Variants in RIMS2 observed in about 807,000 individuals in gnomAD.
RIMS2 encodes the protein regulating synaptic membrane exocytosis protein 2.
RIMS2 carries 59 observed loss-of-function variants against 174.4 expected under a neutral mutation model. The ratio of observed to expected loss-of-function variants is 0.34; its 90% CI spans 0.27 to 0.42. RIMS2 has a LOEUF of 0.42. Ranked by LOEUF, RIMS2 falls within the 10% of genes least tolerant of loss-of-function variation. The pLI is 1.00. For missense variants in RIMS2, 1,620 were observed against 1,666.3 expected (o/e 0.97, Z 0.48); for synonymous variants, 606 against 572.5 (o/e 1.06, Z -0.84).
chr8:104,250,885 T>C, intron 22 of RIMS2, 139 bp from the exon 29 acceptor site: 1 of 707,590 alleles, frequency 1.4e-6, no homozygotes, highest in Admixed American at 2.5e-5. Context: ...CTAATGATTT[T>C]GACAGAATGC....
chr8:103,633,614 A>G (rs2096001426), intron 1 of RIMS2, among the ~76,000 whole-genome samples: 2 of 152,002 alleles, frequency 1.3e-5, no homozygotes, highest in Admixed American at 6.6e-5. Context: ...GAATGGTACT[A>G]TGTCTTTGGA....
At chr8:103,535,387 C>G (rs1839287649) in intron 1 of RIMS2, among the ~76,000 whole-genome samples, 1 of 152,240 alleles carries the variant, frequency 6.6e-6, no homozygotes, top group African/African-American at 2.4e-5. Flanking sequence ...ATATTAGAAA[C>G]TACCAGGAAC....
At chr8:103,926,300 C>T (rs1300614863) in intron 10 of RIMS2, among the ~76,000 whole-genome samples, 1 of 151,490 alleles carries the variant, frequency 6.6e-6, no homozygotes. Context: ...TCATATATCC[C>T]CTCTGTCATT....
intron 2 of RIMS2, among the ~76,000 whole-genome samples, chr8:103,744,633 C>CATAA (rs1475648039): frequency 1.3e-5 from 2 of 152,164 alleles, no homozygotes; most frequent in African/African-American, 4.8e-5. Flanking sequence ...GGTTCCTGAA[C>CATAA]ATAACAATTG....
intron 2 of RIMS2, among the ~76,000 whole-genome samples, chr8:103,756,611 A>G (rs2098014521): frequency 6.6e-6 from 1 of 151,282 alleles, no homozygotes; most frequent in African/African-American, 2.4e-5. Flanking sequence ...TTTTTTGTAG[A>G]GATGGGGTTT....
chr8:103,858,292 C>A (rs1037924632), intron 3 of RIMS2, among the ~76,000 whole-genome samples: 7 of 152,074 alleles, frequency 4.6e-5, no homozygotes, highest in Non-Finnish European at 1.0e-4. Context: ...TTTAAAATCC[C>A]AGTCATGTCT....
intron 19 of RIMS2, among the ~76,000 whole-genome samples, chr8:104,089,788 A>C (rs916064108): frequency 6.6e-6 from 1 of 151,714 alleles, no homozygotes; most frequent in Non-Finnish European, 1.5e-5. Context: ...TGCTTTAGGC[A>C]TTGGAAATAA....
rs534310937 is a variant in RIMS2, at chr8:103,600,590, C to T, written c.177-96496C>T. Among the ~76,000 whole-genome samples the T allele has an allele frequency of 1.1e-4, 17 of 152,252 alleles. No individual in the cohort carries two copies. In the East Asian group the frequency reaches 1.2e-3, roughly 10 times the overall value. On this transcript the variant is annotated intron_variant, in intron 1 of 23. Coordinates refer to ENST00000504942, the Ensembl canonical transcript of RIMS2. ...CTGGCTCACATTTTCTTTATCCATT[C>T]ATCTGTTGATGGATGCTTAGGTTGC...
intron 3 of RIMS2, among the ~76,000 whole-genome samples, chr8:103,778,136 T>C (rs998765789): frequency 6.6e-6 from 1 of 152,048 alleles, no homozygotes; most frequent in Non-Finnish European, 1.5e-5. Flanking sequence ...TGATTTTTTA[T>C]TGATGTATAA....
intron 1 of RIMS2, among the ~76,000 whole-genome samples, chr8:103,533,025 T>C (rs1176567129): frequency 1.3e-5 from 2 of 152,210 alleles, no homozygotes; most frequent in Non-Finnish European, 2.9e-5. Context: ...AGACTAAGCA[T>C]TGATCACAAT....
At chr8:103,980,050 C>T (rs2093764155) in intron 16 of RIMS2, among the ~76,000 whole-genome samples, 1 of 152,114 alleles carries the variant, frequency 6.6e-6, no homozygotes, top group African/African-American at 2.4e-5. Flanking sequence ...CCAGGCTGGG[C>T]TCAGAGCCAG....
intron 3 of RIMS2, among the ~76,000 whole-genome samples, chr8:103,873,631 C>G (rs2099122583): frequency 6.6e-6 from 1 of 151,898 alleles, no homozygotes; most frequent in Non-Finnish European, 1.5e-5. Context: ...AGAACAAGCC[C>G]AACATCAGAA....
At chr8:103,567,080 C>G (rs74782448) in intron 1 of RIMS2, among the ~76,000 whole-genome samples, 4,560 of 152,246 alleles carry the variant, frequency 0.03, 74 homozygotes, top group African/African-American at 0.046. Flanking sequence ...CAGAACCATA[C>G]AGTATGTTGT....
At chr8:103,620,465 T>C (rs1280895107) in intron 1 of RIMS2, among the ~76,000 whole-genome samples, 1 of 152,194 alleles carries the variant, frequency 6.6e-6, no homozygotes, top group Non-Finnish European at 1.5e-5. Context: ...TTTCTATGAC[T>C]ACTTACTCAA....
chr8:104,200,675 G>C (rs2099050255), intron 19 of RIMS2, among the ~76,000 whole-genome samples: 1 of 152,228 alleles, frequency 6.6e-6, no homozygotes, highest in Non-Finnish European at 1.5e-5. Flanking sequence ...TGGAGTCCAA[G>C]GCGGGTGGAT....
At chr8:103,562,705 T>C (rs2091781114) in intron 1 of RIMS2, among the ~76,000 whole-genome samples, 1 of 152,172 alleles carries the variant, frequency 6.6e-6, no homozygotes, top group African/African-American at 2.4e-5. Context: ...ATAGGGACAC[T>C]GTGTGGAGAC....
At chr8:104,203,703 C>T (rs371647508) in intron 19 of RIMS2, among the ~76,000 whole-genome samples, 1 of 151,860 alleles carries the variant, frequency 6.6e-6, no homozygotes, top group Non-Finnish European at 1.5e-5. Context: ...GAGTTTTCAC[C>T]ATGTTGGCTA....
chr8:103,739,587 T>C (rs1044247230), intron 2 of RIMS2, among the ~76,000 whole-genome samples: 6 of 152,206 alleles, frequency 3.9e-5, no homozygotes, highest in African/African-American at 1.4e-4. Flanking sequence ...GTCAGGCATA[T>C]CACTGGAACT....
Position 104,038,874 on chromosome 8 carries a change from A to G in RIMS2, c.3334+24259A>G, listed in dbSNP as rs530379757. 1.6e-4 allele frequency among the ~76,000 whole-genome samples: 25 copies of G among 151,938 alleles called. No individual in the cohort carries two copies. The South Asian group carries it at 4.4e-3, about 26-fold the overall frequency. ...GATTTTATGCATTACATGAATTTTTATTTGCTAAAGTTATATTTTTATGTA... is the reference window on the plus strand; with the variant it reads ...GATTTTATGCATTACATGAATTTTTGTTTGCTAAAGTTATATTTTTATGTA... On this transcript the variant is annotated intron_variant, in intron 19 of 23. Coordinates refer to ENST00000504942, the Ensembl canonical transcript of RIMS2.
Sources: gnomAD v4.1 joint callset for allele counts (sites outside exome capture counted in the v4.1 genomes callset) on GRCh38, gnomAD v4.1.1 for gene constraint, MANE v1.5 for transcripts, NCBI Gene and HGNC (gene_info 2026-07-23, HGNC 2026-07-21) for gene names.